The following GNG12 variants were observed in gnomAD, a reference collection of about 807,000 sequenced individuals.
The protein encoded by GNG12 is G protein subunit gamma 12, also known as guanine nucleotide-binding protein G(I)/G(S)/G(O) subunit gamma-12.
For missense variants in GNG12, 69 were observed against 83.8 expected (o/e 0.82, Z 0.69); for synonymous variants, 28 against 29.7 (o/e 0.94, Z 0.19).
intron 2 of GNG12, among the ~76,000 whole-genome samples, chr1:67,764,691 GTGTGTGTATA>G (rs566970834): frequency 2.4e-4 from 36 of 152,158 alleles, no homozygotes; most frequent in Non-Finnish European, 5.0e-4. Context: ...GTGTATATGC[GTGTGTGTATA>G]TGTGTGTGTG....
At chr1:67,794,192 T>C (rs1646816914) in intron 1 of GNG12, among the ~76,000 whole-genome samples, 1 of 152,204 alleles carries the variant, frequency 6.6e-6, no homozygotes, top group African/African-American at 2.4e-5. Flanking sequence ...GTGGCCAACC[T>C]AAGGTTGTCC....
intron 2 of GNG12, among the ~76,000 whole-genome samples, chr1:67,748,125 G>A (rs962563032): frequency 1.3e-5 from 2 of 152,166 alleles, no homozygotes; most frequent in Non-Finnish European, 2.9e-5. Context: ...GGGAGAGAAA[G>A]GCAGAGGGCA....
At chr1:67,711,448 C>CG (rs1044051739) in intron 2 of GNG12, among the ~76,000 whole-genome samples, 64 of 150,904 alleles carry the variant, frequency 4.2e-4, no homozygotes, top group Middle Eastern at 3.4e-3. Flanking sequence ...CAGGGTTTCT[C>CG]GGGGGGGTGG....
At chr1:67,732,151 G>A (rs1646423491) in intron 2 of GNG12, among the ~76,000 whole-genome samples, 1 of 152,190 alleles carries the variant, frequency 6.6e-6, no homozygotes, top group Non-Finnish European at 1.5e-5. Context: ...TATTCTGAAT[G>A]ACAGACATCT....
At chr1:67,748,044 T>C (rs1378489294) in intron 2 of GNG12, among the ~76,000 whole-genome samples, 1 of 152,118 alleles carries the variant, frequency 6.6e-6, no homozygotes, top group Non-Finnish European at 1.5e-5. Context: ...ATTATCCTAA[T>C]CTTCAGAGGA....
intron 1 of GNG12, among the ~76,000 whole-genome samples, chr1:67,811,104 T>C (rs1313263022): frequency 6.6e-6 from 1 of 152,208 alleles, no homozygotes; most frequent in Non-Finnish European, 1.5e-5. Flanking sequence ...GCCCTCCAAG[T>C]GATTCTGATG....
chr1:67,746,109 C>A (rs1201817820), intron 2 of GNG12, among the ~76,000 whole-genome samples: 2 of 152,152 alleles, frequency 1.3e-5, no homozygotes, highest in Non-Finnish European at 2.9e-5. Context: ...CCTCTAAATT[C>A]TTTTCTTTGG....
intron 1 of GNG12, among the ~76,000 whole-genome samples, chr1:67,821,188 C>T (rs557216688): frequency 6.6e-6 from 1 of 152,322 alleles, no homozygotes; most frequent in East Asian, 1.9e-4. Context: ...TATTACATTA[C>T]ATGGCAAAAG....
intron 1 of GNG12, among the ~76,000 whole-genome samples, chr1:67,820,038 G>T (rs1398887792): frequency 6.7e-6 from 1 of 149,474 alleles, no homozygotes; most frequent in African/African-American, 2.5e-5. Context: ...TGTGTATCTT[G>T]TTCACAGTTG....
intron 2 of GNG12, among the ~76,000 whole-genome samples, chr1:67,767,927 G>A (rs553329879): frequency 1.3e-5 from 2 of 152,198 alleles, no homozygotes; most frequent in Non-Finnish European, 2.9e-5. Context: ...ACAAAAAACA[G>A]TGTTCTGCAA....
chr1:67,729,188 G>C (rs1646404777), intron 2 of GNG12, among the ~76,000 whole-genome samples: 1 of 152,132 alleles, frequency 6.6e-6, no homozygotes, highest in Non-Finnish European at 1.5e-5. Context: ...TTTTGCCCGA[G>C]TGCATGTTTT....
At chr1:67,724,615 C>CCTGA (rs1466707984) in intron 2 of GNG12, among the ~76,000 whole-genome samples, 1 of 151,726 alleles carries the variant, frequency 6.6e-6, no homozygotes, top group Non-Finnish European at 1.5e-5. Flanking sequence ...GCCTCGAACT[C>CCTGA]CTGACCTCAG....
intron 1 of GNG12, among the ~76,000 whole-genome samples, chr1:67,791,101 T>G (rs1206851430): frequency 6.6e-6 from 1 of 152,164 alleles, no homozygotes; most frequent in Admixed American, 6.5e-5. Flanking sequence ...TGAAATTCAG[T>G]TCTATTTATC....
intron 1 of GNG12, among the ~76,000 whole-genome samples, chr1:67,821,338 C>CAA (rs35537609): frequency 4.8e-4 from 73 of 150,886 alleles, no homozygotes; most frequent in South Asian, 3.1e-3. Flanking sequence ...AAAACAAAAA[C>CAA]AAAAAAAAAC....
intron 1 of GNG12, among the ~76,000 whole-genome samples, chr1:67,814,305 CT>C (rs1245648178): frequency 6.6e-6 from 1 of 152,178 alleles, no homozygotes; most frequent in African/African-American, 2.4e-5. Flanking sequence ...CTCTTTAATT[CT>C]GTCATTTTTC....
At position 67,746,560 on chromosome 1, in the gene GNG12, C is replaced by T. The variant is rs926751250; in HGVS notation, c.-27+30898G>A. ...GGGGGAGGTGGTCACACCAGCTCTT[C>T]ACCAAGGGATGGAGAAGTGCCCAGG... On this transcript the variant is annotated intron_variant, in intron 2 of 3. Coordinates refer to ENST00000370982, the MANE Select transcript of GNG12 (RefSeq NM_018841.6). Among the ~76,000 whole-genome samples, 79 of 152,188 alleles carry T rather than the reference C, an allele frequency of 5.2e-4. 2 individuals carry two copies. Among genetic ancestry groups the T allele is most frequent in the Admixed American group, 5.2e-3 (79 of 15,288 alleles).
intron 2 of GNG12, among the ~76,000 whole-genome samples, chr1:67,762,999 T>G (rs1191177818): frequency 6.6e-6 from 1 of 151,868 alleles, no homozygotes; most frequent in Non-Finnish European, 1.5e-5. Context: ...TATTTTGATA[T>G]AAGTTCAGAC....
intron 1 of GNG12, among the ~76,000 whole-genome samples, chr1:67,830,542 A>C (rs1647037554): frequency 6.6e-6 from 1 of 152,140 alleles, no homozygotes; most frequent in Non-Finnish European, 1.5e-5. Flanking sequence ...TAAGAATTAC[A>C]CTTGGTTAAA....
intron 1 of GNG12, among the ~76,000 whole-genome samples, chr1:67,797,026 G>C (rs1402323842): frequency 6.6e-6 from 1 of 152,116 alleles, no homozygotes; most frequent in Non-Finnish European, 1.5e-5. Flanking sequence ...ACCATGCGGA[G>C]GGCACCAAGT....
Sources: allele counts gnomAD v4.1 joint callset (sites outside exome capture counted in the v4.1 genomes callset), GRCh38; gene constraint gnomAD v4.1.1; transcripts MANE v1.5; gene names NCBI Gene and HGNC (gene_info 2026-07-23, HGNC 2026-07-21).